Variants in CTPS2 observed in about 807,000 individuals in gnomAD.
CTPS2 encodes CTP synthase II.
Under a neutral mutation model 46.8 loss-of-function variants are expected in CTPS2, and 19 were observed. That is an observed-to-expected ratio of 0.41 (90% CI 0.28 to 0.60). The LOEUF is 0.60. CTPS2 is among the 20% of genes least tolerant of loss of function. CTPS2 has a pLI of 0.35. For missense variants in CTPS2, 286 were observed against 447.6 expected (o/e 0.64, Z 3.26); for synonymous variants, 151 against 165.2 (o/e 0.91, Z 0.66).
intron 10 of CTPS2, among the ~76,000 whole-genome samples, chrX:16,674,974 C>G (rs1293629667): frequency 9.2e-6 from 1 of 108,792 alleles, no homozygotes; most frequent in Non-Finnish European, 1.9e-5. Flanking sequence ...TTAACAAAAA[C>G]TTCTAAAGGA....
chrX:16,597,891 C>T (rs1273417149), intron 17 of CTPS2, among the ~76,000 whole-genome samples: 34 of 108,023 alleles, frequency 3.1e-4, no homozygotes, highest in African/African-American at 1.1e-3. Flanking sequence ...TTGTAGTTCT[C>T]CTTGAAGAGG....
At chrX:16,624,338 T>C (rs1249701227) in intron 14 of CTPS2, among the ~76,000 whole-genome samples, 2 of 112,146 alleles carry the variant, frequency 1.8e-5, no homozygotes, top group Non-Finnish European at 3.8e-5. Context: ...AAAAACTCTA[T>C]GTTGAGAATC....
At chrX:16,706,872 C>A (rs1188337184) in intron 1 of CTPS2, among the ~76,000 whole-genome samples, 18 of 102,307 alleles carry the variant, frequency 1.8e-4, no homozygotes, top group African/African-American at 2.9e-4. Context: ...AAAAAAAAAA[C>A]AAACAAACAA....
intron 13 of CTPS2, among the ~76,000 whole-genome samples, chrX:16,643,674 G>A: frequency 9.0e-6 from 1 of 111,656 alleles, no homozygotes; most frequent in East Asian, 2.8e-4. Flanking sequence ...TGCACTGCTA[G>A]CTCCAGCAGC....
At chrX:16,641,245 C>T (rs1932065293) in intron 13 of CTPS2, among the ~76,000 whole-genome samples, 1 of 111,916 alleles carries the variant, frequency 8.9e-6, no homozygotes, top group South Asian at 3.7e-4. Context: ...TTTCAGACAA[C>T]CTGAACCATC....
chrX:16,636,465 G>A (rs1428996865), intron 14 of CTPS2, among the ~76,000 whole-genome samples: 1 of 112,451 alleles, frequency 8.9e-6, no homozygotes, highest in African/African-American at 3.2e-5. Context: ...TACATGAAAT[G>A]TCCATAATGG....
intron 8 of CTPS2, among the ~76,000 whole-genome samples, chrX:16,687,787 T>G (rs1431466243): frequency 9.0e-6 from 1 of 111,571 alleles, no homozygotes. Context: ...TGATTAGTCA[T>G]CTACCAAGGG....
At position 16,698,880 on chromosome X, in the gene CTPS2, T is replaced by C. The variant is rs188047174; in HGVS notation, c.337+43A>G. 54 of 1,135,574 alleles carry C rather than the reference T, an allele frequency of 4.8e-5. No homozygotes were observed. The African/African-American group carries it at 8.2e-4, about 17-fold the overall frequency. 93.6% of individuals were successfully genotyped at this position (1,135,574 alleles called of 1,213,427 possible). A position where few individuals can be genotyped will look rare whatever the true frequency, so the allele number is the denominator to read the frequency against. On this transcript the variant is annotated intron_variant, in intron 3 of 18. Coordinates refer to ENST00000359276, the MANE Select transcript of CTPS2 (RefSeq NM_175859.3). Reference sequence around the variant, plus strand: ...GTTCTACTTTTGAGCAGTACAAAGATATTCAGCACACAGGGCTCCATAATG... The same window carrying C: ...GTTCTACTTTTGAGCAGTACAAAGACATTCAGCACACAGGGCTCCATAATG...
At chrX:16,662,435 C>G (rs757999473) in intron 13 of CTPS2, among the ~76,000 whole-genome samples, 1 of 111,852 alleles carries the variant, frequency 8.9e-6, no homozygotes, top group Admixed American at 9.5e-5. Flanking sequence ...TCTCTTGGAA[C>G]TGTTCTGGAT....
intron 13 of CTPS2, among the ~76,000 whole-genome samples, chrX:16,645,820 G>C (rs891840181): frequency 2.7e-5 from 3 of 112,229 alleles, no homozygotes; most frequent in African/African-American, 9.7e-5. Context: ...ATTATCATTG[G>C]AATGGGTTAG....
intron 14 of CTPS2, among the ~76,000 whole-genome samples, chrX:16,623,547 A>G (rs1178842942): frequency 9.0e-6 from 1 of 111,428 alleles, no homozygotes; most frequent in Admixed American, 9.6e-5. Context: ...TTCACTTAAC[A>G]TAATGATCTC....
chrX:16,646,742 C>G (rs1932339728), intron 13 of CTPS2, among the ~76,000 whole-genome samples: 1 of 112,147 alleles, frequency 8.9e-6, no homozygotes, highest in Non-Finnish European at 1.9e-5. Flanking sequence ...TACCCTCTTC[C>G]TGAAGGTGCT....
intron 10 of CTPS2, among the ~76,000 whole-genome samples, chrX:16,676,667 T>A (rs1461255318): frequency 9.0e-6 from 1 of 111,698 alleles, no homozygotes; most frequent in Non-Finnish European, 1.9e-5. Context: ...TATTATGAAT[T>A]CTAGTCTTAT....
At chrX:16,702,706 G>A (rs773892996) in intron 2 of CTPS2, 31 bp downstream of exon 2, 2 of 1,180,211 alleles carry the variant, frequency 1.7e-6, no homozygotes, top group South Asian at 3.6e-5. Flanking sequence ...TGAGCCTAGT[G>A]CTATAAGGGG....
intron 13 of CTPS2, among the ~76,000 whole-genome samples, chrX:16,647,639 A>C (rs1436090692): frequency 9.0e-6 from 1 of 110,894 alleles, no homozygotes; most frequent in Non-Finnish European, 1.9e-5. Context: ...CTATTAACCA[A>C]TACTGCTCCA....
At chrX:16,648,260 G>A (rs984662858) in intron 13 of CTPS2, among the ~76,000 whole-genome samples, 2 of 112,050 alleles carry the variant, frequency 1.8e-5, no homozygotes, top group Non-Finnish European at 3.8e-5. Flanking sequence ...TTACATAGGA[G>A]AATGTCTTTG....
intron 8 of CTPS2, among the ~76,000 whole-genome samples, chrX:16,683,763 T>C (rs1418928185): frequency 1.8e-5 from 2 of 112,342 alleles, no homozygotes; most frequent in African/African-American, 6.5e-5. Flanking sequence ...GGTGACATTG[T>C]ATAAAAAAAA....
At chrX:16,637,330 C>T (rs777509658) in intron 14 of CTPS2, among the ~76,000 whole-genome samples, 5 of 111,660 alleles carry the variant, frequency 4.5e-5, no homozygotes, top group South Asian at 7.6e-4. Flanking sequence ...GTGATCGTCC[C>T]GCTTCAGCCT....
At chrX:16,661,371 A>G (rs1027650367) in intron 13 of CTPS2, among the ~76,000 whole-genome samples, 1 of 112,322 alleles carries the variant, frequency 8.9e-6, no homozygotes, top group South Asian at 3.7e-4. Context: ...GCTTACTTCA[A>G]CACTCTAAAT....
Sources: allele counts gnomAD v4.1 joint callset (sites outside exome capture counted in the v4.1 genomes callset), GRCh38; gene constraint gnomAD v4.1.1; transcripts MANE v1.5; gene names NCBI Gene and HGNC (gene_info 2026-07-23, HGNC 2026-07-21).